Variants in SLC7A2 observed in about 807,000 individuals in gnomAD.
SLC7A2 encodes solute carrier family 7 member 2, also known as cationic amino acid transporter 2.
In SLC7A2, 48 loss-of-function variants were observed where a neutral mutation model predicts 58.9. That is an observed-to-expected ratio of 0.82 (90% CI 0.65 to 1.04). The LOEUF (loss-of-function observed/expected upper bound fraction) is 1.04, where lower values mean the gene tolerates loss of function less well. Ranked by LOEUF, SLC7A2 falls within the 50% of genes least tolerant of loss-of-function variation. The pLI is 0.00. For synonymous variants in SLC7A2, 363 were observed against 314.5 expected (o/e 1.15, Z -1.63); for missense variants, 1,029 against 818.8 (o/e 1.26, Z -3.13).
rs6586609 is a variant in SLC7A2, at chr8:17,555,301, T to A, written c.1195+602T>A. On this transcript the variant is annotated intron_variant, in intron 8 of 12. Transcript: ENST00000494857. ...AATTGACCCTTTGGGATTTTTTTTTTACTGTTTTGTTATTTTAATCTTTTG... is the reference window on the plus strand; with the variant it reads ...AATTGACCCTTTGGGATTTTTTTTTAACTGTTTTGTTATTTTAATCTTTTG... Among the ~76,000 whole-genome samples, 686 of 152,260 alleles carry A rather than the reference T, an allele frequency of 4.5e-3. 4 individuals are homozygous for A. Among genetic ancestry groups the A allele is most frequent in the African/African-American group, 0.016 (656 of 41,540 alleles).
At chr8:17,555,120 T>C in intron 8 of SLC7A2, 1 of 1,603,034 alleles carries the variant, frequency 6.2e-7, no homozygotes, top group Non-Finnish European at 8.5e-7. Flanking sequence ...AGCATTAGAC[T>C]GGAACATTTA....
intron 2 of SLC7A2, among the ~76,000 whole-genome samples, chr8:17,542,883 G>C (rs1231771287): frequency 1.3e-5 from 2 of 152,098 alleles, no homozygotes; most frequent in African/African-American, 4.8e-5. Context: ...GATTGTTTGA[G>C]CCCAGGAGGT....
chr8:17,496,148 C>T (rs1799952090), upstream of SLC7A2, among the ~76,000 whole-genome samples: 1 of 152,104 alleles, frequency 6.6e-6, no homozygotes, highest in East Asian at 1.9e-4. Flanking sequence ...TAGTAATAGG[C>T]CGGGCATGGT....
intron 9 of SLC7A2, 123 bp downstream of exon 9, chr8:17,558,520 C>G (rs1323737769): frequency 3.6e-6 from 2 of 552,670 alleles, no homozygotes; most frequent in Non-Finnish European, 6.5e-6. Flanking sequence ...GAGGTCACAT[C>G]TAACAAAATA....
At chr8:17,523,184 A>G (rs1040839785) in intron 2 of SLC7A2, among the ~76,000 whole-genome samples, 3 of 152,184 alleles carry the variant, frequency 2.0e-5, no homozygotes, top group African/African-American at 7.2e-5. Context: ...AGGAAAGAAA[A>G]TGACCATACG....
rs575772286 is a variant in SLC7A2 at position 17,505,804 on chromosome 8, C to T, written c.-23+3502C>T. On this transcript the variant is annotated intron_variant, in intron 2 of 12. Transcript: ENST00000494857. Reference sequence around the variant, plus strand: ...CTGATACGGATATTCTTGTAGAAATCTCTGAGATTTAATAAACTTACAGTT... The same window carrying T: ...CTGATACGGATATTCTTGTAGAAATTTCTGAGATTTAATAAACTTACAGTT... Among the ~76,000 whole-genome samples, 47 of 152,272 alleles carry T rather than the reference C, an allele frequency of 3.1e-4. 1 individual carries two copies. The East Asian group carries it at 8.7e-3, about 28-fold the overall frequency.
intron 2 of SLC7A2, among the ~76,000 whole-genome samples, chr8:17,532,605 A>C (rs962942963): frequency 1.3e-5 from 2 of 152,170 alleles, no homozygotes; most frequent in Non-Finnish European, 2.9e-5. Context: ...CAGTCTATGC[A>C]GTTAATATAA....
upstream of SLC7A2, among the ~76,000 whole-genome samples, chr8:17,496,267 A>G (rs536938708): frequency 5.3e-5 from 8 of 152,260 alleles, no homozygotes; most frequent in Admixed American, 3.9e-4. Flanking sequence ...GGCTGCAGTG[A>G]GCCACGATTG....
At chr8:17,543,193 C>G in intron 2 of SLC7A2, 125 bp from the exon 3 acceptor site, 1 of 425,454 alleles carries the variant, frequency 2.4e-6, no homozygotes, top group Non-Finnish European at 3.9e-6. Flanking sequence ...AAGTGAAACA[C>G]ACACACACAC....
Position 17,551,834 on chromosome 8 carries a change from G to A in SLC7A2, c.903G>A (p.Met301Ile), listed in dbSNP as rs1484071310. 1 of 1,613,724 alleles carries A rather than the reference G, an allele frequency of 6.2e-7. No individual in the cohort carries two copies. ...TGACGTCTTTGCTTGTTTGCTTTATGGCCTATTTTGGGGTCTCTGCAGCTT... is the reference window on the plus strand; with the variant it reads ...TGACGTCTTTGCTTGTTTGCTTTATAGCCTATTTTGGGGTCTCTGCAGCTT... ...GIVTSLLVCF[M>I]AYFGVSAALT... Residue 301 changes from methionine (M) to isoleucine (I), a missense_variant, in exon 7 of 13, where the codon ATG becomes ATA. Transcript: ENST00000494857.
intron 2 of SLC7A2, among the ~76,000 whole-genome samples, chr8:17,532,294 A>AATCACATT (rs1801493448): frequency 6.9e-6 from 1 of 144,794 alleles, no homozygotes; most frequent in Non-Finnish European, 1.5e-5. Flanking sequence ...ATGGCTGAAG[A>AATCACATT]ATCAGATTAG....
At chr8:17,502,203 A>T (rs1305705783) in intron 1 of SLC7A2, 54 bp from the exon 2 acceptor site, 4 of 151,986 alleles carry the variant, frequency 2.6e-5, no homozygotes, top group Non-Finnish European at 5.9e-5. Flanking sequence ...AAAAAAAAGA[A>T]TGGAGAAATC....
intron 7 of SLC7A2, among the ~76,000 whole-genome samples, 174 bp from the exon 8 acceptor site, chr8:17,554,381 ATTTTT>A (rs953890250): frequency 2.6e-4 from 40 of 152,300 alleles, no homozygotes; most frequent in African/African-American, 9.4e-4. Flanking sequence ...ATATTAGCAA[ATTTTT>A]TAAATGCCCT....
chr8:17,553,259 G>C (rs189845221), intron 7 of SLC7A2, among the ~76,000 whole-genome samples: 164 of 152,168 alleles, frequency 1.1e-3, no homozygotes, highest in African/African-American at 3.8e-3. Context: ...CTAAGTTCCC[G>C]AGGCTGGTCT....
At chr8:17,497,675 G>T (rs562662202) in intron 1 of SLC7A2, among the ~76,000 whole-genome samples, 1 of 152,214 alleles carries the variant, frequency 6.6e-6, no homozygotes, top group Non-Finnish European at 1.5e-5. Flanking sequence ...GCACGCTGCC[G>T]GGGTCCCCGA....
chr8:17,531,307 C>G (rs571258360), intron 2 of SLC7A2, among the ~76,000 whole-genome samples: 2 of 152,184 alleles, frequency 1.3e-5, no homozygotes, highest in African/African-American at 4.8e-5. Flanking sequence ...GTATGTAATA[C>G]AAGGCCACTA....
At chr8:17,494,217 G>C (rs1195278768), upstream of SLC7A2, among the ~76,000 whole-genome samples, 1 of 152,172 alleles carries the variant, frequency 6.6e-6, no homozygotes, top group Admixed American at 6.5e-5. Flanking sequence ...TCCCTTATTT[G>C]TGGACATGAG....
intron 2 of SLC7A2, among the ~76,000 whole-genome samples, chr8:17,523,889 C>T (rs1801115872): frequency 6.6e-6 from 1 of 150,636 alleles, no homozygotes; most frequent in Non-Finnish European, 1.5e-5. Flanking sequence ...TATCCAGAAT[C>T]TACAAAGAAC....
In SLC7A2 at chr8:17,544,550, C is replaced by G; in HGVS notation, c.476C>G (p.Thr159Ser). 6 of 1,614,010 alleles carry G rather than the reference C, an allele frequency of 3.7e-6. No homozygotes were observed. Among genetic ancestry groups the G allele is most frequent in the Non-Finnish European group, 5.1e-6 (6 of 1,179,934 alleles). The change falls in exon 4 of 13, where the codon ACT (threonine) becomes AGT (serine). Residue 159 changes from threonine (T) to serine (S), a missense_variant. Coordinates refer to ENST00000494857, the MANE Select transcript of SLC7A2 (RefSeq NM_001370338.1). The stretch of plus-strand genomic sequence containing the variant: ...AGGACATACTTCAGAATGAATTACA[C>G]TGGTCTTGCAGAATATCCCGATTTT... ...FLRTYFRMNY[T>S]GLAEYPDFFA...
Sources: gnomAD v4.1 joint callset for allele counts (sites outside exome capture counted in the v4.1 genomes callset) on GRCh38, gnomAD v4.1.1 for gene constraint, MANE v1.5 for transcripts, NCBI Gene and HGNC (gene_info 2026-07-23, HGNC 2026-07-21) for gene names.